Variants in HLTF observed in about 807,000 individuals in gnomAD.
HLTF encodes helicase like transcription factor.
HLTF carries 127 observed loss-of-function variants against 129.4 expected under a neutral mutation model. That is an observed-to-expected ratio of 0.98 (90% confidence interval 0.85 to 1.14). HLTF has a LOEUF of 1.14. HLTF is among the 50% of genes most tolerant of loss of function. The probability of loss-of-function intolerance (pLI) is 0.00; values close to 1 mark genes in which losing one functional copy is unlikely to be tolerated. For synonymous variants in HLTF, 332 were observed against 388.8 expected (o/e 0.85, Z 1.72); for missense variants, 1,139 against 1,187.1 (o/e 0.96, Z 0.60).
chr3:149,086,228 A>C, intron 1 of HLTF, 89 bp downstream of exon 1: 1 of 1,330,438 alleles, frequency 7.5e-7, no homozygotes, highest in Non-Finnish European at 1.1e-6. Flanking sequence ...TCGCCCAGGG[A>C]ACGCAGAGGA....
At chr3:149,045,127 C>T (rs1247436902) in intron 18 of HLTF, among the ~76,000 whole-genome samples, 1 of 152,128 alleles carries the variant, frequency 6.6e-6, no homozygotes, top group Non-Finnish European at 1.5e-5. Context: ...TATTTTCTCT[C>T]GTTCATACTA....
intron 23 of HLTF, among the ~76,000 whole-genome samples, chr3:149,037,922 T>C (rs536353143): frequency 1.3e-5 from 2 of 152,322 alleles, no homozygotes; most frequent in African/African-American, 4.8e-5. Flanking sequence ...CACAGCTTGG[T>C]GAGTAAAGTT....
intron 20 of HLTF, among the ~76,000 whole-genome samples, chr3:149,040,632 C>T (rs1212130101): frequency 2.6e-5 from 4 of 151,938 alleles, no homozygotes; most frequent in South Asian, 2.1e-4. Flanking sequence ...CTGTTGTACC[C>T]GTTTGAACCT....
intron 23 of HLTF, among the ~76,000 whole-genome samples, chr3:149,035,856 T>C (rs1419520561): frequency 6.6e-6 from 1 of 151,792 alleles, no homozygotes; most frequent in African/African-American, 2.4e-5. Flanking sequence ...AAATGATGGG[T>C]CCGGCACAGT....
intron 13 of HLTF, among the ~76,000 whole-genome samples, chr3:149,058,602 G>A (rs1717670207): frequency 6.6e-6 from 1 of 151,906 alleles, no homozygotes; most frequent in African/African-American, 2.4e-5. Context: ...TTTGTTTATG[G>A]CACCTTTTGA....
At chr3:149,051,315 C>T (rs1187180739) in intron 14 of HLTF, among the ~76,000 whole-genome samples, 1 of 151,122 alleles carries the variant, frequency 6.6e-6, no homozygotes, top group African/African-American at 2.4e-5. Context: ...CATTTTTGGT[C>T]ACTATAGAAT....
At chr3:149,042,064 A>G (rs1716173120) in intron 19 of HLTF, 102 bp downstream of exon 19, 2 of 1,011,264 alleles carry the variant, frequency 2.0e-6, no homozygotes, top group African/African-American at 1.6e-5. Context: ...TCCATTTGAC[A>G]GAACAAAATA....
chr3:149,042,110 TC>T, intron 19 of HLTF, 55 bp downstream of exon 19: 1 of 1,529,718 alleles, frequency 6.5e-7, no homozygotes, highest in Non-Finnish European at 9.0e-7. Context: ...AATTTATCAC[TC>T]TTATTTAAGT....
intron 2 of HLTF, among the ~76,000 whole-genome samples, chr3:149,083,403 A>G (rs981385395): frequency 6.6e-6 from 1 of 152,218 alleles, no homozygotes; most frequent in African/African-American, 2.4e-5. Context: ...CACACACTAG[A>G]GTTTACCGAA....
In HLTF at chr3:149,056,629, A is replaced by C. The variant is rs1717460240; in HGVS notation, c.1376-1229T>G. Among the ~76,000 whole-genome samples the C allele has an allele frequency of 2.0e-5, 3 of 152,342 alleles. No individual in the cohort carries two copies. The East Asian group carries it at 5.8e-4, about 29-fold the overall frequency. On this transcript the variant is annotated intron_variant, in intron 13 of 24. Transcript: ENST00000310053. The stretch of plus-strand genomic sequence containing the variant: ...AACCATAAATAGTACCAAACCCTAT[A>C]TATAATGTTTTTTCCCTATATATAC...
chr3:149,084,884 G>A lies in HLTF; in HGVS notation c.26C>T (p.Pro9Leu), dbSNP rs947820613. MSWMFKRD[P>L]VWKYLQTVQY... is the part of the protein sequence containing the mutation. ...GACAGTCTGCAAGTACTTCCAAACTGGATCCCTATTTTTTTTTAAAGGCAA... is the reference window on the plus strand; with the variant it reads ...GACAGTCTGCAAGTACTTCCAAACTAGATCCCTATTTTTTTTTAAAGGCAA... The change falls in exon 2 of 25, where the codon CCA (proline) becomes CTA (leucine). Residue 9 changes from proline to leucine, a missense_variant. Coordinates refer to ENST00000310053, the MANE Select transcript of HLTF (RefSeq NM_003071.4). 4 of 1,609,692 alleles carry A rather than the reference G, an allele frequency of 2.5e-6. No individual in the cohort carries two copies. The highest frequency in any genetic ancestry group is 3.4e-6 in the Non-Finnish European group (4 of 1,177,770).
chr3:149,065,190 A>AATTAAGAATTCTC (rs904798835), intron 8 of HLTF, among the ~76,000 whole-genome samples: 1 of 152,218 alleles, frequency 6.6e-6, no homozygotes, highest in African/African-American at 2.4e-5. Context: ...TTTACTTTAT[A>AATTAAGAATTCTC]ATTAAGAATT....
intron 19 of HLTF, 51 bp downstream of exon 19, chr3:149,042,115 T>C (rs1476379680): frequency 3.2e-6 from 5 of 1,547,964 alleles, no homozygotes; most frequent in Non-Finnish European, 4.4e-6. Context: ...ATCACTCTTA[T>C]TTAAGTATCT....
In HLTF at chr3:149,055,257, A is replaced by G. The variant is rs1717321155; in HGVS notation, c.1473+46T>C. The stretch of plus-strand genomic sequence containing the variant: ...TAACAGAATACTTTCTACCTTGTAG[A>G]TAAAATATAAATTATGTTACATTTT... On this transcript the variant is annotated intron_variant, in intron 14 of 24. Coordinates refer to ENST00000310053, the MANE Select transcript of HLTF (RefSeq NM_003071.4). 3 of 1,332,470 alleles carry G rather than the reference A, an allele frequency of 2.3e-6. No individual in the cohort carries two copies. In the East Asian group the frequency reaches 7.0e-5, roughly 31 times the overall value. 82.5% of individuals were successfully genotyped at this position (1,332,470 alleles called of 1,614,324 possible).
intron 8 of HLTF, among the ~76,000 whole-genome samples, chr3:149,066,936 G>C (rs1291106792): frequency 6.6e-6 from 1 of 152,062 alleles, no homozygotes; most frequent in Non-Finnish European, 1.5e-5. Flanking sequence ...CAATAGCACT[G>C]ACAGGAAACT....
intron 16 of HLTF, among the ~76,000 whole-genome samples, chr3:149,048,611 C>T (rs1218768736): frequency 6.6e-6 from 1 of 152,182 alleles, no homozygotes; most frequent in Non-Finnish European, 1.5e-5. Flanking sequence ...TCCATTTCCA[C>T]TAGAGTGTCT....
chr3:149,076,999 A>G (rs1450044470), intron 2 of HLTF, among the ~76,000 whole-genome samples: 1 of 152,130 alleles, frequency 6.6e-6, no homozygotes, highest in African/African-American at 2.4e-5. Context: ...TCACGCCCCC[A>G]GCACTTTGGG....
At chr3:149,073,545 T>C (rs997756537) in intron 4 of HLTF, among the ~76,000 whole-genome samples, 12 of 151,926 alleles carry the variant, frequency 7.9e-5, no homozygotes, top group African/African-American at 2.9e-4. Context: ...AATACAAAAA[T>C]TAGCAGAGCG....
Position 149,066,986 on chromosome 3 carries a change from T to A in HLTF, c.990+1254A>T, listed in dbSNP as rs571853426. ...TCTGAAAACTAAAAACTAGGAAGAA[T>A]GGTAATTCAGAAGAGTTCAGAAAAG... is the stretch of plus-strand genomic sequence containing the variant. On this transcript the variant is annotated intron_variant, in intron 8 of 24. Transcript: ENST00000310053. Among the ~76,000 whole-genome samples, 10 of 152,212 alleles carry A rather than the reference T, an allele frequency of 6.6e-5. No homozygotes were observed. The South Asian group carries it at 1.9e-3, about 28-fold the overall frequency.
Sources: gnomAD v4.1 joint callset for allele counts (sites outside exome capture counted in the v4.1 genomes callset) on GRCh38, gnomAD v4.1.1 for gene constraint, MANE v1.5 for transcripts, NCBI Gene and HGNC (gene_info 2026-07-23, HGNC 2026-07-21) for gene names.